Variants in CNKSR3 observed in about 807,000 individuals in gnomAD.
The protein encoded by CNKSR3 is connector enhancer of kinase suppressor of ras 3.
Under a neutral mutation model 67.7 loss-of-function variants are expected in CNKSR3, and 36 were observed. The ratio of observed to expected loss-of-function variants is 0.53; its 90% CI spans 0.41 to 0.70. CNKSR3 has a LOEUF of 0.70. Ranked by LOEUF, CNKSR3 falls within the 30% of genes least tolerant of loss-of-function variation. CNKSR3 has a pLI of 0.00. For synonymous variants in CNKSR3, 281 were observed against 271.4 expected, an observed-to-expected ratio of 1.04 and a Z score of -0.35; for missense variants, 630 against 695.2, an observed-to-expected ratio of 0.91 and a Z score of 1.05.
At chr6:154,451,540 CACAG>C (rs1430457376) in intron 1 of CNKSR3, among the ~76,000 whole-genome samples, 1 of 14,380 alleles carries the variant, frequency 7.0e-5, no homozygotes, top group East Asian at 0.016. Flanking sequence ...CACGCACACG[CACAG>C]ATGCACACAC....
intron 12 of CNKSR3, among the ~76,000 whole-genome samples, chr6:154,407,604 G>A (rs1333079255): frequency 6.6e-6 from 1 of 151,820 alleles, no homozygotes; most frequent in Non-Finnish European, 1.5e-5. Context: ...AGGCTCAAGC[G>A]ATCCTCCCAC....
intron 4 of CNKSR3, among the ~76,000 whole-genome samples, chr6:154,436,328 C>G (rs563418081): frequency 8.5e-5 from 13 of 152,118 alleles, no homozygotes; most frequent in Non-Finnish European, 1.9e-4. Context: ...CACACCACCA[C>G]GCTTGGCTAA....
intron 1 of CNKSR3, among the ~76,000 whole-genome samples, chr6:154,504,642 T>TGTTGAGAGCCTACCCACTCGAGG (rs1554239263): frequency 6.6e-6 from 1 of 151,830 alleles, no homozygotes; most frequent in East Asian, 2.0e-4. Flanking sequence ...CTGAGCAAAT[T>TGTTGAGAGCCTACCCACTCGAGG]CTCTCTCTGC....
At chr6:154,501,294 T>A (rs946761076) in intron 1 of CNKSR3, among the ~76,000 whole-genome samples, 2 of 152,168 alleles carry the variant, frequency 1.3e-5, no homozygotes, top group African/African-American at 4.8e-5. Context: ...ATTTCCTGAA[T>A]TCATTTCTGC....
chr6:154,422,724 C>A, intron 8 of CNKSR3, 72 bp from the exon 9 acceptor site: 1 of 1,530,528 alleles, frequency 6.5e-7, no homozygotes, highest in South Asian at 1.1e-5. Context: ...ATGAATTTAT[C>A]TCAGGGCAGT....
chr6:154,416,085 A>C (rs1291720634), intron 9 of CNKSR3, among the ~76,000 whole-genome samples: 1 of 152,212 alleles, frequency 6.6e-6, no homozygotes, highest in Non-Finnish European at 1.5e-5. Context: ...GTTCAAGATC[A>C]GCCTAGAGAA....
intron 1 of CNKSR3, among the ~76,000 whole-genome samples, chr6:154,474,403 A>T (rs1331986212): frequency 1.6e-5 from 2 of 129,020 alleles, no homozygotes; most frequent in East Asian, 2.4e-4. Context: ...ACAAAGCAAG[A>T]CTCCGTCTCA....
intron 1 of CNKSR3, among the ~76,000 whole-genome samples, chr6:154,457,415 A>C (rs1039271727): frequency 1.3e-5 from 2 of 152,164 alleles, no homozygotes; most frequent in Admixed American, 6.5e-5. Context: ...GTTCAATAAT[A>C]CTATGTTTGA....
At chr6:154,440,056 T>C (rs1222460556) in intron 4 of CNKSR3, among the ~76,000 whole-genome samples, 1 of 152,200 alleles carries the variant, frequency 6.6e-6, no homozygotes, top group East Asian at 1.9e-4. Flanking sequence ...AGACTCTTTT[T>C]TGTCAAAATT....
chr6:154,435,832 T>A (rs1785459841), intron 4 of CNKSR3, among the ~76,000 whole-genome samples: 2 of 152,252 alleles, frequency 1.3e-5, no homozygotes, highest in South Asian at 4.1e-4. Context: ...TCTTGTGCAG[T>A]AGGTTTAACT....
At chr6:154,505,536 C>G (rs1487680835) in intron 1 of CNKSR3, among the ~76,000 whole-genome samples, 1 of 148,074 alleles carries the variant, frequency 6.8e-6, no homozygotes, top group African/African-American at 2.5e-5. Context: ...CTCACTCTGT[C>G]GCCTAGGCTG....
intron 2 of CNKSR3, among the ~76,000 whole-genome samples, chr6:154,445,899 C>T (rs551840112): frequency 6.6e-6 from 1 of 152,126 alleles, no homozygotes; most frequent in African/African-American, 2.4e-5. Flanking sequence ...AAAGAGAGAA[C>T]AAGAAACTGA....
chr6:154,436,325 C>T (rs929004681), intron 4 of CNKSR3, among the ~76,000 whole-genome samples: 2 of 152,092 alleles, frequency 1.3e-5, no homozygotes, highest in African/African-American at 4.8e-5. Flanking sequence ...GCACACACCA[C>T]CACGCTTGGC....
intron 4 of CNKSR3, among the ~76,000 whole-genome samples, chr6:154,434,996 C>CA (rs1554232883): frequency 7.3e-6 from 1 of 136,704 alleles, no homozygotes; most frequent in East Asian, 2.1e-4. Flanking sequence ...CTACAAATTC[C>CA]TTTTTTTTTT....
chr6:154,414,092 C>T (rs1269000947), intron 10 of CNKSR3, among the ~76,000 whole-genome samples: 1 of 152,006 alleles, frequency 6.6e-6, no homozygotes, highest in African/African-American at 2.4e-5. Context: ...CCCCACCAAA[C>T]TGTATAGCTT....
chr6:154,505,080 AG>A (rs1787071381), intron 1 of CNKSR3, among the ~76,000 whole-genome samples: 1 of 151,512 alleles, frequency 6.6e-6, no homozygotes, highest in South Asian at 2.1e-4. Flanking sequence ...TCCCTTTCCC[AG>A]GGACCACAGA....
At chr6:154,505,784 G>A (rs111350265) in intron 1 of CNKSR3, among the ~76,000 whole-genome samples, 2,202 of 148,792 alleles carry the variant, frequency 0.015, 35 homozygotes, top group Middle Eastern at 0.024. Flanking sequence ...ACAGGCGTGA[G>A]CCACCGCGCC....
intron 1 of CNKSR3, among the ~76,000 whole-genome samples, chr6:154,460,169 A>G (rs1786048614): frequency 1.3e-5 from 2 of 152,250 alleles, no homozygotes; most frequent in South Asian, 4.1e-4. Context: ...TGGAGGGAGA[A>G]GTTTATGCTG....
chr6:154,455,759 T>C (rs1250196118), intron 1 of CNKSR3, among the ~76,000 whole-genome samples: 1 of 152,182 alleles, frequency 6.6e-6, no homozygotes, highest in African/African-American at 2.4e-5. Flanking sequence ...AACTAAACTA[T>C]TGATTGTGAT....
Sources: gnomAD v4.1 joint callset for allele counts (sites outside exome capture counted in the v4.1 genomes callset) on GRCh38, gnomAD v4.1.1 for gene constraint, MANE v1.5 for transcripts, NCBI Gene and HGNC (gene_info 2026-07-23, HGNC 2026-07-21) for gene names.